GRM3: variants seen among roughly 807,000 people sequenced by gnomAD.
The protein encoded by GRM3 is glutamate metabotropic receptor 3.
Under a neutral mutation model 70.5 loss-of-function variants are expected in GRM3, and 26 were observed. The observed-to-expected ratio is 0.37, with a 90% CI of 0.27 to 0.51. The LOEUF is 0.51. GRM3 is among the 20% of genes least tolerant of loss of function. GRM3 has a pLI of 0.93. For synonymous variants in GRM3, 443 were observed against 434.9 expected, an observed-to-expected ratio of 1.02 and a Z score of -0.23; for missense variants, 859 against 1,123.8, an observed-to-expected ratio of 0.76 and a Z score of 3.37.
At chr7:86,861,527 G>C (rs192582415) in intron 5 of GRM3, among the ~76,000 whole-genome samples, 81 of 152,294 alleles carry the variant, frequency 5.3e-4, no homozygotes, top group Middle Eastern at 6.8e-3. Flanking sequence ...TTTAAATTAA[G>C]TGGCCTGATG....
chr7:86,747,374 G>T (rs980196341), intron 1 of GRM3, among the ~76,000 whole-genome samples: 8 of 152,006 alleles, frequency 5.3e-5, no homozygotes, highest in Admixed American at 6.6e-5. Context: ...AAATTGATGA[G>T]ATTTATACTT....
intron 1 of GRM3, among the ~76,000 whole-genome samples, chr7:86,732,753 G>A (rs1423291652): frequency 1.3e-5 from 2 of 152,140 alleles, no homozygotes; most frequent in Non-Finnish European, 1.5e-5. Context: ...TGGAGACCAG[G>A]AATTAAGTAC....
chr7:86,655,593 T>G (rs559626529), intron 1 of GRM3, among the ~76,000 whole-genome samples: 77 of 149,502 alleles, frequency 5.2e-4, no homozygotes, highest in African/African-American at 1.8e-3. Flanking sequence ...GCGCTAAAGT[T>G]GAATCTTTTC....
intron 1 of GRM3, among the ~76,000 whole-genome samples, chr7:86,726,806 T>G (rs1795603761): frequency 6.6e-6 from 1 of 152,216 alleles, no homozygotes; most frequent in South Asian, 2.1e-4. Context: ...TACAGTCACT[T>G]CCTCTTGTAA....
At chr7:86,808,266 G>A (rs577536521) in intron 3 of GRM3, among the ~76,000 whole-genome samples, 3 of 152,254 alleles carry the variant, frequency 2.0e-5, no homozygotes, top group South Asian at 4.1e-4. Context: ...CTCATAAAAT[G>A]AGTTAGGGAG....
chr7:86,760,652 C>CT (rs369719156), intron 1 of GRM3, among the ~76,000 whole-genome samples: 57 of 148,686 alleles, frequency 3.8e-4, no homozygotes, highest in African/African-American at 1.2e-3. Context: ...TTCAATGTTA[C>CT]TTTTTTTTTT....
At chr7:86,780,347 A>T (rs1475400969) in intron 2 of GRM3, among the ~76,000 whole-genome samples, 1 of 152,192 alleles carries the variant, frequency 6.6e-6, no homozygotes, top group Non-Finnish European at 1.5e-5. Context: ...AGTATAATTA[A>T]AAAATACCAA....
At chr7:86,808,205 T>C (rs995411115) in intron 3 of GRM3, among the ~76,000 whole-genome samples, 1 of 152,148 alleles carries the variant, frequency 6.6e-6, no homozygotes, top group African/African-American at 2.4e-5. Context: ...TCTAAAATTC[T>C]CTTTTTTTTG....
intron 1 of GRM3, among the ~76,000 whole-genome samples, chr7:86,755,487 G>A (rs1796323696): frequency 6.6e-6 from 1 of 152,116 alleles, no homozygotes; most frequent in Admixed American, 6.5e-5. Flanking sequence ...ATGGGAGAGG[G>A]TAGGTGGAGA....
At chr7:86,689,005 T>C (rs1332477964) in intron 1 of GRM3, among the ~76,000 whole-genome samples, 1 of 149,048 alleles carries the variant, frequency 6.7e-6, no homozygotes, top group Non-Finnish European at 1.5e-5. Context: ...ATTAATTATA[T>C]ATTCAAAACC....
chr7:86,699,753 T>C (rs928759502), intron 1 of GRM3, among the ~76,000 whole-genome samples: 2 of 151,998 alleles, frequency 1.3e-5, no homozygotes, highest in African/African-American at 2.4e-5. Context: ...TGAAGTAACT[T>C]GGTCAAGAAG....
intron 1 of GRM3, among the ~76,000 whole-genome samples, chr7:86,739,471 A>G (rs1795936827): frequency 1.3e-5 from 2 of 152,182 alleles, no homozygotes; most frequent in Admixed American, 1.3e-4. Context: ...ATTGATATAT[A>G]AAAACTTGTT....
chr7:86,654,489 C>T (rs112240719), intron 1 of GRM3, among the ~76,000 whole-genome samples: 2 of 152,144 alleles, frequency 1.3e-5, no homozygotes, highest in East Asian at 3.8e-4. Flanking sequence ...ACTGGACTGT[C>T]CCACTCACAC....
intron 3 of GRM3, among the ~76,000 whole-genome samples, chr7:86,826,942 G>C (rs1798247485): frequency 6.6e-6 from 1 of 152,164 alleles, no homozygotes; most frequent in Admixed American, 6.5e-5. Context: ...TCAGGCATTA[G>C]CATGATTTTT....
rs548049251 is a variant in GRM3, at chr7:86,717,700, G to A, written c.-140-47306G>A. Among the ~76,000 whole-genome samples, 11 of 152,048 alleles carry A rather than the reference G, an allele frequency of 7.2e-5. No individual in the cohort carries two copies. In the South Asian group the frequency reaches 1.9e-3, roughly 26 times the overall value. On this transcript the variant is annotated intron_variant, in intron 1 of 5. Coordinates refer to ENST00000361669, the MANE Select transcript of GRM3 (RefSeq NM_000840.3). ...AAACCACAGAAGTGGGAAATCCTCCGTGTTACTTGAAGACGTGAAACATAA... is the reference window on the plus strand; with the variant it reads ...AAACCACAGAAGTGGGAAATCCTCCATGTTACTTGAAGACGTGAAACATAA...
chr7:86,697,341 G>A (rs1472832510), intron 1 of GRM3, among the ~76,000 whole-genome samples: 1 of 151,522 alleles, frequency 6.6e-6, no homozygotes. Context: ...CAGAATCAGT[G>A]AAAAGACCAG....
intron 2 of GRM3, among the ~76,000 whole-genome samples, chr7:86,768,815 C>A (rs1205467291): frequency 5.9e-5 from 9 of 152,072 alleles, no homozygotes; most frequent in African/African-American, 1.9e-4. Flanking sequence ...CAGGCCAAGT[C>A]AAGCCAGGAG....
intron 3 of GRM3, among the ~76,000 whole-genome samples, chr7:86,808,580 C>A (rs1281445624): frequency 6.6e-6 from 1 of 151,650 alleles, no homozygotes; most frequent in Non-Finnish European, 1.5e-5. Flanking sequence ...TGGAATAAGG[C>A]ATCCCAGGTA....
At chr7:86,784,050 A>G (rs867245694) in intron 2 of GRM3, among the ~76,000 whole-genome samples, 10 of 152,260 alleles carry the variant, frequency 6.6e-5, no homozygotes, top group Middle Eastern at 6.8e-3. Flanking sequence ...GCCTTCCCCA[A>G]AGTTACAGCT....
Sources: allele counts gnomAD v4.1 joint callset (sites outside exome capture counted in the v4.1 genomes callset), GRCh38; gene constraint gnomAD v4.1.1; transcripts MANE v1.5; gene names NCBI Gene and HGNC (gene_info 2026-07-23, HGNC 2026-07-21).